Variants in ZMAT4 observed in about 807,000 individuals in gnomAD.
ZMAT4 encodes zinc finger matrin-type 4.
In ZMAT4, 17 loss-of-function variants were observed where a neutral mutation model predicts 28.7. The ratio of observed to expected loss-of-function variants is 0.59; its 90% confidence interval spans 0.41 to 0.89. The LOEUF is 0.89. Ranked by LOEUF, ZMAT4 falls within the 40% of genes least tolerant of loss-of-function variation. The pLI, the probability that ZMAT4 is intolerant of heterozygous loss-of-function variation, is 0.00. For synonymous variants in ZMAT4, 117 were observed against 109.2 expected, an observed-to-expected ratio of 1.07 and a Z score of -0.44; for missense variants, 240 against 283.8, an observed-to-expected ratio of 0.85 and a Z score of 1.11.
intron 5 of ZMAT4, among the ~76,000 whole-genome samples, chr8:40,657,268 G>C (rs578100550): frequency 6.6e-6 from 1 of 152,118 alleles, no homozygotes; most frequent in East Asian, 1.9e-4. Flanking sequence ...TATCATTCCT[G>C]GTCATTTTCC....
At chr8:40,687,653 A>G (rs572869434) in intron 4 of ZMAT4, among the ~76,000 whole-genome samples, 2 of 152,238 alleles carry the variant, frequency 1.3e-5, no homozygotes, top group Non-Finnish European at 1.5e-5. Context: ...CTTTGACTAC[A>G]AATAAAACCT....
At chr8:40,751,705 C>A (rs1812458632) in intron 3 of ZMAT4, among the ~76,000 whole-genome samples, 1 of 151,952 alleles carries the variant, frequency 6.6e-6, no homozygotes, top group Non-Finnish European at 1.5e-5. Flanking sequence ...AGAGAGACAG[C>A]CAGTAAGAGG....
chr8:40,770,154 ATCCTAGT>A (rs1198976995), intron 2 of ZMAT4, among the ~76,000 whole-genome samples: 1 of 152,094 alleles, frequency 6.6e-6, no homozygotes. Context: ...TGGCGGAGGC[ATCCTAGT>A]TCATTATTTA....
chr8:40,570,330 A>T (rs1439577705), intron 6 of ZMAT4, among the ~76,000 whole-genome samples: 1 of 151,750 alleles, frequency 6.6e-6, no homozygotes, highest in Non-Finnish European at 1.5e-5. Context: ...GATGACTGTC[A>T]AAACCCATCA....
At chr8:40,592,764 T>C (rs1804940385) in intron 5 of ZMAT4, among the ~76,000 whole-genome samples, 1 of 152,208 alleles carries the variant, frequency 6.6e-6, no homozygotes, top group Non-Finnish European at 1.5e-5. Flanking sequence ...GCTTGTTTAT[T>C]GGAAGATGGT....
At chr8:40,873,568 T>A (rs1375423238) in intron 1 of ZMAT4, among the ~76,000 whole-genome samples, 1 of 152,118 alleles carries the variant, frequency 6.6e-6, no homozygotes, top group East Asian at 1.9e-4. Context: ...CTAGGCAAGA[T>A]GGCTTCTCCT....
At chr8:40,732,330 C>G (rs2150527206) in intron 3 of ZMAT4, among the ~76,000 whole-genome samples, 1 of 152,302 alleles carries the variant, frequency 6.6e-6, no homozygotes, top group African/African-American at 2.4e-5. Context: ...GCAGCAGGTA[C>G]TGGCAGGCAG....
chr8:40,765,561 G>A (rs1813123790), intron 3 of ZMAT4, among the ~76,000 whole-genome samples: 1 of 152,168 alleles, frequency 6.6e-6, no homozygotes, highest in African/African-American at 2.4e-5. Context: ...CCAGGAAACA[G>A]CAGAGAAAAA....
At chr8:40,546,797 T>A (rs1007827880) in intron 6 of ZMAT4, among the ~76,000 whole-genome samples, 1 of 152,144 alleles carries the variant, frequency 6.6e-6, no homozygotes, top group Non-Finnish European at 1.5e-5. Context: ...AACCAGTTGC[T>A]GTAGAAATGT....
intron 2 of ZMAT4, among the ~76,000 whole-genome samples, chr8:40,819,409 T>C (rs1439994962): frequency 6.6e-6 from 1 of 152,170 alleles, no homozygotes; most frequent in Non-Finnish European, 1.5e-5. Flanking sequence ...CTTCTTCTGG[T>C]GCAGACACCT....
chr8:40,558,535 G>C (rs1474382584), intron 6 of ZMAT4, among the ~76,000 whole-genome samples: 1 of 151,996 alleles, frequency 6.6e-6, no homozygotes, highest in African/African-American at 2.4e-5. Context: ...GGAAGGAACT[G>C]CCATTATCTT....
chr8:40,691,094 G>A (rs1809641029), intron 4 of ZMAT4: 1 of 200,976 alleles, frequency 5.0e-6, no homozygotes, highest in Non-Finnish European at 8.9e-6. Flanking sequence ...AGAAATTCAG[G>A]GTTAGGTTCC....
intron 1 of ZMAT4, 69 bp from the exon 2 acceptor site, chr8:40,825,749 A>G (rs1472616843): frequency 4.7e-6 from 6 of 1,280,026 alleles, no homozygotes; most frequent in African/African-American, 1.5e-5. Context: ...TATTAACCGT[A>G]TGAAAAGCCA....
intron 5 of ZMAT4, among the ~76,000 whole-genome samples, chr8:40,592,133 C>T (rs1804913746): frequency 6.6e-6 from 1 of 152,020 alleles, no homozygotes; most frequent in Admixed American, 6.6e-5. Flanking sequence ...AGTTAGTTTC[C>T]CATCAAATTT....
At chr8:40,603,637 G>T (rs993538291) in intron 5 of ZMAT4, among the ~76,000 whole-genome samples, 2 of 151,852 alleles carry the variant, frequency 1.3e-5, no homozygotes, top group African/African-American at 4.8e-5. Flanking sequence ...TGTTTGTTTT[G>T]TTTTGTTTTG....
intron 1 of ZMAT4, among the ~76,000 whole-genome samples, chr8:40,887,207 A>T (rs940530178): frequency 1.4e-5 from 2 of 147,416 alleles, no homozygotes; most frequent in African/African-American, 5.0e-5. Flanking sequence ...TTGGCCAGGC[A>T]CGGTGGCTCA....
intron 5 of ZMAT4, among the ~76,000 whole-genome samples, chr8:40,628,571 T>G (rs1806459238): frequency 6.6e-6 from 1 of 152,138 alleles, no homozygotes; most frequent in Non-Finnish European, 1.5e-5. Context: ...TATTATGGAA[T>G]TAAGAAACTT....
chr8:40,807,136 G>GATA (rs374114091), intron 2 of ZMAT4, among the ~76,000 whole-genome samples: 1 of 68,968 alleles, frequency 1.4e-5, no homozygotes, highest in Non-Finnish European at 3.2e-5. Context: ...GTGGGGTGAG[G>GATA]ACAAAAAAAA....
At chr8:40,867,494 G>A (rs58309052) in intron 1 of ZMAT4, among the ~76,000 whole-genome samples, 1 of 151,996 alleles carries the variant, frequency 6.6e-6, no homozygotes, top group Non-Finnish European at 1.5e-5. Flanking sequence ...GTAGCTGCAG[G>A]GTCCTGCATG....
Sources: allele counts gnomAD v4.1 joint callset (sites outside exome capture counted in the v4.1 genomes callset), GRCh38; gene constraint gnomAD v4.1.1; transcripts MANE v1.5; gene names NCBI Gene and HGNC (gene_info 2026-07-23, HGNC 2026-07-21).